SPIB: variants seen among roughly 807,000 people sequenced by gnomAD.
The protein encoded by SPIB is Spi-B transcription factor, also known as transcription factor Spi-B.
Under a neutral mutation model 31.9 loss-of-function variants are expected in SPIB, and 7 were observed. The observed-to-expected ratio is 0.22, with a 90% CI of 0.12 to 0.41. The LOEUF (loss-of-function observed/expected upper bound fraction) is 0.41, where lower values mean the gene tolerates loss of function less well. Ranked by LOEUF, SPIB falls within the 10% of genes least tolerant of loss-of-function variation. The pLI is 1.00. For missense variants in SPIB, 327 were observed against 360.2 expected (o/e 0.91, Z 0.75); for synonymous variants, 176 against 158.9 (o/e 1.11, Z -0.81).
At chr19:50,422,008 C>G (rs575187948) in intron 2 of SPIB, among the ~76,000 whole-genome samples, 1 of 152,390 alleles carries the variant, frequency 6.6e-6, no homozygotes, top group South Asian at 2.1e-4. Flanking sequence ...CCTCGGCCCC[C>G]CAAAGTGTTG....
Position 50,422,991 on chromosome 19 carries a change from C to G in SPIB, c.293C>G (p.Pro98Arg). ...GAACTGGCCCCCAGCCTGGAGGCCC[C>G]GGGGCCTGGCCTCCCTGCATACCCC... ...NLELAPSLEA[P>R]GPGLPAYPTE... The change falls in exon 4 of 6, where the codon CCG becomes CGG. Residue 98 changes from proline (P) to arginine (R), a missense_variant. By Grantham distance (103) the Pro-to-Arg change is moderately radical (BLOSUM62 -2). Transcript: ENST00000595883. 1 of 1,562,230 alleles carries G rather than the reference C, an allele frequency of 6.4e-7. No individual in the cohort carries two copies.
rs1311340864 is a variant in SPIB, at chr19:50,428,120, G to A, written c.573G>A (p.Val191=). 1 of 1,584,068 alleles carries A rather than the reference G, an allele frequency of 6.3e-7. No homozygotes were observed. Among genetic ancestry groups the A allele is most frequent in the Non-Finnish European group, 8.6e-7 (1 of 1,164,676 alleles). The change falls in exon 6 of 6, where the codon GTG becomes GTA. Residue 191 remains valine (V), a synonymous_variant. Transcript: ENST00000595883. The surrounding 1 kb of genome is among the most constrained non-coding windows in gnomAD (Gnocchi z 6.5). ...RGDMRECVWW[V]EPGAGVFQFS... is the part of the protein sequence containing the mutation. ...ACATGCGTGAGTGCGTGTGGTGGGT[G>A]GAGCCAGGCGCCGGCGTCTTCCAGT...
At chr19:50,421,203 G>T (rs955775358) in intron 2 of SPIB, among the ~76,000 whole-genome samples, 2 of 152,180 alleles carry the variant, frequency 1.3e-5, no homozygotes, top group African/African-American at 4.8e-5. Flanking sequence ...TTGATTAAAT[G>T]CCAAGGAGTG....
At chr19:50,420,718 C>T (rs2039484464) in intron 2 of SPIB, among the ~76,000 whole-genome samples, 3 of 152,338 alleles carry the variant, frequency 2.0e-5, no homozygotes, top group Admixed American at 2.0e-4. Flanking sequence ...AGCTCCACCT[C>T]CCGGGTTCAA....
At chr19:50,419,837 G>A in intron 1 of SPIB, 109 bp from the exon 2 acceptor site, 1 of 1,177,270 alleles carries the variant, frequency 8.5e-7, no homozygotes, top group Non-Finnish European at 1.2e-6. Context: ...CCCTCACACA[G>A]GGCTGCGGTG....
At position 50,423,015 on chromosome 19, in the gene SPIB, C is replaced by G; in HGVS notation, c.317C>G (p.Pro106Arg). Residue 106 changes from proline (P) to arginine (R), a missense_variant, in exon 4 of 6, where the codon CCC becomes CGC. By Grantham distance (103) the Pro-to-Arg change is moderately radical. Transcript: ENST00000595883. ...EAPGPGLPAYPTENFASQTLV... is the reference protein window; with the variant it reads ...EAPGPGLPAYRTENFASQTLV... ...CCGGGGCCTGGCCTCCCTGCATACC[C>G]CACGGAGAACTTCGCTAGCCAGGTG... is the stretch of plus-strand genomic sequence containing the variant. The G allele has an allele frequency of 6.7e-7, 1 of 1,497,090 alleles. No individual in the cohort carries two copies. Among genetic ancestry groups the G allele is most frequent in the East Asian group, 2.3e-5 (1 of 43,372 alleles). 92.7% of individuals were successfully genotyped at this position (1,497,090 alleles called of 1,614,324 possible).
intron 2 of SPIB, among the ~76,000 whole-genome samples, chr19:50,420,201 C>T (rs1178672391): frequency 6.6e-6 from 1 of 152,206 alleles, no homozygotes; most frequent in African/African-American, 2.4e-5. Flanking sequence ...CTGCCCATCC[C>T]ATATTCAGAC....
chr19:50,423,274 G>A, intron 4 of SPIB: 1 of 478,396 alleles, frequency 2.1e-6, no homozygotes, highest in Non-Finnish European at 3.7e-6. Context: ...TTTGCTGGGT[G>A]CCGGGCACTG....
chr19:50,419,935 TC>T lies in SPIB; in HGVS notation c.24-6del. ...CAGCCTCAGCATGCCCCTGTGTCTC[TC>T]CCCCTCCAGGCTCGACGGGCCACAC... On this transcript the variant is annotated splice_polypyrimidine_tract_variant and intron_variant, in intron 1 of 5. Transcript: ENST00000595883. 2 of 1,536,196 alleles carry T rather than the reference TC, an allele frequency of 1.3e-6. No individual in the cohort carries two copies. The highest frequency in any genetic ancestry group is 1.7e-6 in the Non-Finnish European group (2 of 1,147,696).
rs371285452 is a variant in SPIB at position 50,422,481 on chromosome 19, T to C, written c.60T>C (p.Asp20=). The C allele has an allele frequency of 5.6e-6, 9 of 1,613,864 alleles. No homozygotes were observed. The highest frequency in any genetic ancestry group is 2.7e-5 in the African/African-American group (2 of 74,924). ...CCTGCACCCCGTATCAGTACCCAGA[T>C]GGCGTCTTCTATGACCTGGACAGCT... is the stretch of plus-strand genomic sequence containing the variant. ...DGPHFSCLYP[D]GVFYDLDSCK... The change falls in exon 3 of 6, where the codon GAT becomes GAC. Residue 20 remains aspartate, a synonymous_variant. Transcript: ENST00000595883.
Position 50,430,199 on chromosome 19 carries a change from C to A in SPIB, c.*1863C>A, listed in dbSNP as rs970196492. 6.6e-6 allele frequency: 1 copy of A among 152,300 alleles called. No individual in the cohort carries two copies. Among genetic ancestry groups the A allele is most frequent in the African/African-American group, 2.4e-5 (1 of 41,444 alleles). The allele number at this position is 152,300 out of a possible 1,614,324, so 9.4% of individuals were successfully genotyped here. On this transcript the variant is annotated 3_prime_UTR_variant, in exon 6 of 6. Transcript: ENST00000595883. Reference sequence around the variant, plus strand: ...CAATCTGCCCCAGTCGCTGCCATCCCTGGCTATCTCACCCTAGCAGCTTCT... The same window carrying A: ...CAATCTGCCCCAGTCGCTGCCATCCATGGCTATCTCACCCTAGCAGCTTCT...
intron 2 of SPIB, among the ~76,000 whole-genome samples, chr19:50,421,473 C>T (rs1302017100): frequency 6.6e-6 from 1 of 151,846 alleles, no homozygotes; most frequent in Non-Finnish European, 1.5e-5. Flanking sequence ...CAGGTGCGCA[C>T]CACCATGCCT....
chr19:50,430,177 T>A lies in SPIB; in HGVS notation c.*1841T>A, dbSNP rs1445325370. ...TCCTAATGAGGCATTTGTTCTCCAATCTGCCCCAGTCGCTGCCATCCCTGG... is the reference window on the plus strand; with the variant it reads ...TCCTAATGAGGCATTTGTTCTCCAAACTGCCCCAGTCGCTGCCATCCCTGG... On this transcript the variant is annotated 3_prime_UTR_variant, in exon 6 of 6. Coordinates refer to ENST00000595883, the MANE Select transcript of SPIB (RefSeq NM_003121.5). 1 of 152,328 alleles carries A rather than the reference T, an allele frequency of 6.6e-6. No individual in the cohort carries two copies. Among genetic ancestry groups the A allele is most frequent in the East Asian group, 1.9e-4 (1 of 5,192 alleles). 9.4% of individuals were successfully genotyped at this position (152,328 alleles called of 1,614,324 possible).
Position 50,423,882 on chromosome 19 carries a change from T to A in SPIB, c.490+127T>A, listed in dbSNP as rs966413559. 4 of 1,127,916 alleles carry A rather than the reference T, an allele frequency of 3.5e-6. No homozygotes were observed. In the Admixed American group the frequency reaches 7.5e-5, roughly 21 times the overall value. The allele number at this position is 1,127,916 out of a possible 1,614,324, so 69.9% of individuals were successfully genotyped here. ...GGGCAGCTCCCAGATCCGCACCACC[T>A]GCTGGCTGTGTGACCTTGGGTAAGT... is the stretch of plus-strand genomic sequence containing the variant. On this transcript the variant is annotated intron_variant, in intron 5 of 5. Transcript: ENST00000595883.
chr19:50,428,081 A>T lies in SPIB; in HGVS notation c.534A>T (p.Leu178=). The change falls in exon 6 of 6, where the codon CTA becomes CTT. Residue 178 remains leucine (L), a synonymous_variant. Transcript: ENST00000595883. The surrounding 1 kb of genome is among the most constrained non-coding windows in gnomAD (Gnocchi z 6.5). ...KLRLYQFLLG[L]LTRGDMRECV... ...GCCTGTACCAGTTCCTGCTGGGGCT[A>T]CTGACGCGCGGGGACATGCGTGAGT... The T allele has an allele frequency of 6.3e-7, 1 of 1,577,130 alleles. No homozygotes were observed. The highest frequency in any genetic ancestry group is 8.6e-7 in the Non-Finnish European group (1 of 1,160,186).
chr19:50,423,574 T>G, intron 4 of SPIB, 31 bp from the exon 5 acceptor site: 1 of 1,604,950 alleles, frequency 6.2e-7, no homozygotes, highest in Non-Finnish European at 8.5e-7. Flanking sequence ...AAGGGGTCCC[T>G]GGACATGCAG....
intron 2 of SPIB, among the ~76,000 whole-genome samples, chr19:50,420,539 C>A (rs981667544): frequency 6.6e-6 from 1 of 152,384 alleles, no homozygotes; most frequent in East Asian, 1.9e-4. Flanking sequence ...ACATTTCAAT[C>A]TCTGAAATAT....
At chr19:50,421,104 C>T (rs8110668) in intron 2 of SPIB, among the ~76,000 whole-genome samples, 11,108 of 152,166 alleles carry the variant, frequency 0.073, 764 homozygotes, top group African/African-American at 0.18. Flanking sequence ...TTGATGACAC[C>T]TGGGCTGTTT....
In SPIB at chr19:50,422,963, C is replaced by G. The variant is rs759524275; in HGVS notation, c.265C>G (p.Leu89Val). The stretch of plus-strand genomic sequence containing the variant: ...CCCCACCTACAGCCCTGCAGGGAAC[C>G]TCGAACTGGCCCCCAGCCTGGAGGC... Reference protein sequence around the residue: ...EPPTYSPAGNLELAPSLEAPG... With the variant: ...EPPTYSPAGNVELAPSLEAPG... The change falls in exon 4 of 6, where the codon CTC becomes GTC. Residue 89 changes from leucine to valine, a missense_variant. Around this residue, in one of 4 missense-constraint regions of SPIB, gnomAD observed 238 missense variants for 228.8 expected, o/e 1.04. Coordinates refer to ENST00000595883, the MANE Select transcript of SPIB (RefSeq NM_003121.5). 6.3e-7 allele frequency: 1 copy of G among 1,585,906 alleles called. No individual in the cohort carries two copies. The highest frequency in any genetic ancestry group is 1.4e-5 in the African/African-American group (1 of 73,988).
Sources: allele counts gnomAD v4.1 joint callset (sites outside exome capture counted in the v4.1 genomes callset), GRCh38; gene constraint gnomAD v4.1.1; regional missense constraint gnomAD v4.1.1; non-coding constraint Gnocchi (gnomAD v3.1); transcripts MANE v1.5; gene names NCBI Gene and HGNC (gene_info 2026-07-23, HGNC 2026-07-21).